Variants in TTYH2 observed in about 807,000 individuals in gnomAD.
TTYH2 encodes the protein protein tweety homolog 2.
TTYH2 carries 49 observed loss-of-function variants against 68.3 expected under a neutral mutation model. The observed-to-expected ratio is 0.72, with a 90% CI of 0.57 to 0.91. The LOEUF (loss-of-function observed/expected upper bound fraction) is 0.91. Ranked by LOEUF, TTYH2 falls within the 40% of genes least tolerant of loss-of-function variation. The probability of loss-of-function intolerance (pLI) is 0.00; values close to 1 mark genes in which losing one functional copy is unlikely to be tolerated. For synonymous variants in TTYH2, 272 were observed against 300.8 expected (o/e 0.90, Z 0.99); for missense variants, 631 against 700.4 (o/e 0.90, Z 1.12).
chr17:74,250,010 C>T lies in TTYH2; in HGVS notation c.1005C>T (p.Pro335=). 1.9e-6 allele frequency: 3 copies of T among 1,614,130 alleles called. No homozygotes were observed. The highest frequency in any genetic ancestry group is 2.5e-6 in the Non-Finnish European group (3 of 1,180,008). ...QVAGLLQFAV[P]LFSTAEEDLL... ...CGGGGCTGCTGCAGTTTGCCGTGCC[C>T]CTCTTCTCCACTGCAGAGGTAAGGC... Residue 335 remains proline (P), a synonymous_variant, in exon 9 of 14, where the codon CCC becomes CCT. Transcript: ENST00000269346.
chr17:74,222,523 G>A lies in TTYH2; in HGVS notation c.168G>A (p.Leu56=), dbSNP rs757795381. 1.2e-6 allele frequency: 2 copies of A among 1,612,002 alleles called. No individual in the cohort carries two copies. Among genetic ancestry groups the A allele is most frequent in the East Asian group, 2.2e-5 (1 of 44,878 alleles). ...TGGGGCTGGTGGCCGCCGTCTGCCT[G>A]GGCCTGAACCTCATCTTCCTTGTGG... is the stretch of plus-strand genomic sequence containing the variant. ...LFLGLVAAVC[L]GLNLIFLVAY... is the part of the protein sequence containing the mutation. The change falls in exon 2 of 14, where the codon CTG becomes CTA. Residue 56 remains leucine (L), a synonymous_variant. Transcript: ENST00000269346. The surrounding 1 kb of genome is among the most constrained non-coding windows in gnomAD (Gnocchi z 5.2).
chr17:74,243,618 A>C, intron 5 of TTYH2, 149 bp downstream of exon 5: 4 of 767,904 alleles, frequency 5.2e-6, no homozygotes, highest in Non-Finnish European at 6.5e-6. Flanking sequence ...CACTCAGCAG[A>C]GGAGACAGAC....
chr17:74,224,846 A>G (rs915342420), intron 2 of TTYH2, among the ~76,000 whole-genome samples: 2 of 152,242 alleles, frequency 1.3e-5, no homozygotes, highest in African/African-American at 4.8e-5. Context: ...CTAAAAATAC[A>G]AAATTAGCTG....
At position 74,230,873 on chromosome 17, in the gene TTYH2, G is replaced by A. The variant is rs1188528604; in HGVS notation, c.303-15G>A. ...GTGTATCACCTCTAACCTCTGTTTG[G>A]GATCTTGCTTATAGTGCTGCGGTGG... On this transcript the variant is annotated splice_polypyrimidine_tract_variant and intron_variant, in intron 2 of 13. Transcript: ENST00000269346. 1 of 1,613,326 alleles carries A rather than the reference G, an allele frequency of 6.2e-7. No individual in the cohort carries two copies. Among genetic ancestry groups the A allele is most frequent in the African/African-American group, 1.3e-5 (1 of 74,894 alleles).
chr17:74,237,390 C>T lies in TTYH2; in HGVS notation c.511C>T (p.Leu171=). The change falls in exon 4 of 14, where the codon CTG becomes TTG. Residue 171 remains leucine, a synonymous_variant. Coordinates refer to ENST00000269346, the MANE Select transcript of TTYH2 (RefSeq NM_032646.6). ...FAARGDYLQT[L]KFIQQMAGSV... ...TGCCCGGGGCGATTACCTGCAGACC[C>T]TGAAGTTCATACAGCAGATGGCGGG... 6.2e-7 allele frequency: 1 copy of T among 1,614,180 alleles called. No homozygotes were observed. The highest frequency in any genetic ancestry group is 2.2e-5 in the East Asian group (1 of 44,878).
chr17:74,233,177 C>T (rs529628876), intron 3 of TTYH2, among the ~76,000 whole-genome samples: 159 of 152,226 alleles, frequency 1.0e-3, no homozygotes, highest in Non-Finnish European at 1.8e-3. Context: ...CCCCCTCTGG[C>T]GTGAACCCCT....
intron 3 of TTYH2, among the ~76,000 whole-genome samples, chr17:74,234,231 T>C (rs1016616061): frequency 3.9e-5 from 6 of 152,216 alleles, no homozygotes; most frequent in African/African-American, 1.4e-4. Flanking sequence ...CTTACGCCCC[T>C]AGTCCCGGGA....
chr17:74,248,940 C>T (rs919466866), intron 6 of TTYH2, 71 bp from the exon 7 acceptor site: 36 of 1,605,654 alleles, frequency 2.2e-5, no homozygotes, highest in African/African-American at 4.0e-5. Flanking sequence ...GATGGGCTCC[C>T]GGCTCCTCCC....
chr17:74,224,005 G>C (rs73995089), intron 2 of TTYH2, among the ~76,000 whole-genome samples: 3 of 152,204 alleles, frequency 2.0e-5, no homozygotes, highest in Non-Finnish European at 4.4e-5. Context: ...ATACATGGCC[G>C]GGGCTGAAAT....
intron 1 of TTYH2, among the ~76,000 whole-genome samples, chr17:74,216,904 G>A (rs2050226629): frequency 6.6e-6 from 1 of 152,246 alleles, no homozygotes; most frequent in Non-Finnish European, 1.5e-5. Context: ...TGAGTTCATG[G>A]ATTATGAAGC....
intron 3 of TTYH2, among the ~76,000 whole-genome samples, chr17:74,236,895 CT>C (rs553285799): frequency 0.26 from 34,544 of 133,150 alleles, 4,691 homozygotes; most frequent in African/African-American, 0.39. Flanking sequence ...GCCAGGCCAG[CT>C]TTTTTTTTTT....
At chr17:74,223,770 G>A (rs888345833) in intron 2 of TTYH2, among the ~76,000 whole-genome samples, 5 of 152,190 alleles carry the variant, frequency 3.3e-5, no homozygotes, top group Admixed American at 1.3e-4. Flanking sequence ...CAGCAGGCTG[G>A]CAGCCAGGCA....
Position 74,239,754 on chromosome 17 carries a change from C to G in TTYH2, c.635+2240C>G, listed in dbSNP as rs2050480680. On this transcript the variant is annotated intron_variant, in intron 4 of 13. Transcript: ENST00000269346. The surrounding 1 kb of genome is among the most constrained non-coding windows in gnomAD (Gnocchi z 5.3). ...GGATGCTCATGGGCAAAAGAGCCTC[C>G]CTCCCAAGGGACAGAAGGAAACTGC... 6.6e-6 allele frequency among the ~76,000 whole-genome samples: 1 copy of G among 152,212 alleles called. No individual in the cohort carries two copies. The highest frequency in any genetic ancestry group is 1.5e-5 in the Non-Finnish European group (1 of 68,044).
chr17:74,242,450 T>C (rs1238483028), intron 4 of TTYH2, among the ~76,000 whole-genome samples: 1 of 152,162 alleles, frequency 6.6e-6, no homozygotes, highest in African/African-American at 2.4e-5. Context: ...TGGAGTGCAA[T>C]GGCGCCATCT....
Position 74,229,408 on chromosome 17 carries a change from T to C in TTYH2, c.303-1480T>C, listed in dbSNP as rs539722550. 5.3e-5 allele frequency among the ~76,000 whole-genome samples: 8 copies of C among 152,234 alleles called. No homozygotes were observed. The South Asian group carries it at 1.7e-3, about 32-fold the overall frequency. On this transcript the variant is annotated intron_variant, in intron 2 of 13. Coordinates refer to ENST00000269346, the MANE Select transcript of TTYH2 (RefSeq NM_032646.6). ...AGGACTAGAGGACAGTATTTTCCTA[T>C]TGCCCAAATAAAATGTCCTGTAGAA... is the stretch of plus-strand genomic sequence containing the variant.
intron 4 of TTYH2, among the ~76,000 whole-genome samples, chr17:74,242,586 T>G (rs144179857): frequency 0.025 from 3,791 of 152,208 alleles, 63 homozygotes; most frequent in Admixed American, 0.045. Flanking sequence ...AGAGATGAGG[T>G]TTCACCACGT....
At chr17:74,221,443 C>G (rs2050274640) in intron 1 of TTYH2, among the ~76,000 whole-genome samples, 1 of 152,192 alleles carries the variant, frequency 6.6e-6, no homozygotes, top group South Asian at 2.1e-4. Context: ...GATTGCCACC[C>G]CCTGCATAGG....
chr17:74,248,395 G>T, intron 6 of TTYH2: 1 of 987,068 alleles, frequency 1.0e-6, no homozygotes, highest in Non-Finnish European at 1.2e-6. Context: ...GTGGGGCCAG[G>T]TCCTCCAGCT....
intron 13 of TTYH2, among the ~76,000 whole-genome samples, chr17:74,259,304 G>A (rs1175062096): frequency 6.6e-6 from 1 of 151,944 alleles, no homozygotes; most frequent in Non-Finnish European, 1.5e-5. Context: ...CCACCTCTTG[G>A]GCTCAAGTAC....
Sources: gnomAD v4.1 joint callset for allele counts (sites outside exome capture counted in the v4.1 genomes callset) on GRCh38, gnomAD v4.1.1 for gene constraint, Gnocchi (gnomAD v3.1) non-coding constraint, MANE v1.5 for transcripts, NCBI Gene and HGNC (gene_info 2026-07-23, HGNC 2026-07-21) for gene names.